KCNIP1: variants seen among roughly 807,000 people sequenced by gnomAD.
The protein encoded by KCNIP1 is potassium voltage-gated channel interacting protein 1.
KCNIP1 carries 18 observed loss-of-function variants against 33.0 expected under a neutral mutation model. The ratio of observed to expected loss-of-function variants is 0.55; its 90% confidence interval spans 0.38 to 0.81. KCNIP1 has a LOEUF of 0.81. Ranked by LOEUF, KCNIP1 falls within the 30% of genes least tolerant of loss-of-function variation. KCNIP1 has a pLI of 0.00. For missense variants in KCNIP1, 238 were observed against 271.6 expected (o/e 0.88, Z 0.87); for synonymous variants, 93 against 98.3 (o/e 0.95, Z 0.32).
chr5:170,561,375 G>A (rs1291363160), intron 1 of KCNIP1, among the ~76,000 whole-genome samples: 1 of 152,180 alleles, frequency 6.6e-6, no homozygotes, highest in Admixed American at 6.5e-5. Context: ...AGAGGCTAAA[G>A]TGGCTTTAAG....
intron 1 of KCNIP1, among the ~76,000 whole-genome samples, chr5:170,361,474 C>G (rs535893624): frequency 6.6e-6 from 1 of 152,118 alleles, no homozygotes; most frequent in Non-Finnish European, 1.5e-5. Flanking sequence ...TCCCCTCTGG[C>G]TGAAGCCACT....
At chr5:170,453,752 T>C (rs1361298208) in intron 1 of KCNIP1, among the ~76,000 whole-genome samples, 1 of 152,174 alleles carries the variant, frequency 6.6e-6, no homozygotes, top group East Asian at 1.9e-4. Flanking sequence ...CTTGACAAAG[T>C]ATGTAACCAT....
At chr5:170,723,490 C>T (rs1455216296) in intron 5 of KCNIP1, among the ~76,000 whole-genome samples, 1 of 152,170 alleles carries the variant, frequency 6.6e-6, no homozygotes, top group African/African-American at 2.4e-5. Context: ...ACTCCACTTG[C>T]TGAGCTCCTG....
intron 1 of KCNIP1, among the ~76,000 whole-genome samples, chr5:170,457,814 G>A (rs2113096305): frequency 6.6e-6 from 1 of 152,156 alleles, no homozygotes; most frequent in South Asian, 2.1e-4. Context: ...AATCACACTA[G>A]GTCACCAGCA....
chr5:170,640,410 G>T (rs567565801), intron 1 of KCNIP1, among the ~76,000 whole-genome samples: 1 of 152,320 alleles, frequency 6.6e-6, no homozygotes, highest in South Asian at 2.1e-4. Flanking sequence ...TCACAAGTTT[G>T]CACCTGGAGC....
rs1197231227 is a variant in KCNIP1, at chr5:170,367,416, A to G, written c.88+13452A>G. Among the ~76,000 whole-genome samples, 53 of 119,984 alleles carry G rather than the reference A, an allele frequency of 4.4e-4. 1 individual carries two copies. The highest frequency in any genetic ancestry group is 1.6e-3 in the African/African-American group (47 of 28,898). The allele number at this position is 119,984 out of a possible 152,430, so 78.7% of individuals were successfully genotyped here. ...AAGAAAGAAAGAAAGAAAGAAAGAA[A>G]GAAAGGAAAGAAAGAAAGAAAGGAA... On this transcript the variant is annotated intron_variant, in intron 1 of 7. Transcript: ENST00000377360.
intron 1 of KCNIP1, among the ~76,000 whole-genome samples, chr5:170,471,928 G>A (rs929271083): frequency 2.0e-5 from 3 of 152,062 alleles, no homozygotes; most frequent in Non-Finnish European, 4.4e-5. Context: ...TCACATCTCC[G>A]TCAGAGGCCT....
chr5:170,622,175 G>A lies in KCNIP1; in HGVS notation c.62-96583G>A, dbSNP rs116707368. Among the ~76,000 whole-genome samples the A allele has an allele frequency of 9.7e-3, 1,474 of 152,290 alleles. 11 individuals carry two copies. The highest frequency in any genetic ancestry group is 0.054 in the Middle Eastern group (16 of 294). ...TTCCGTCTGTGGTGGGTGGAGCCGC[G>A]TCCTTCCCAAATTCATATTCACTCA... On this transcript the variant is annotated intron_variant, in intron 1 of 7. Transcript: ENST00000328939.
At chr5:170,707,787 G>T (rs890160028) in intron 1 of KCNIP1, among the ~76,000 whole-genome samples, 1 of 145,386 alleles carries the variant, frequency 6.9e-6, no homozygotes, top group African/African-American at 2.5e-5. Flanking sequence ...ACACTCAAAG[G>T]TTTTTTTTTT....
At chr5:170,359,182 G>A (rs1242630421) in intron 1 of KCNIP1, among the ~76,000 whole-genome samples, 1 of 152,164 alleles carries the variant, frequency 6.6e-6, no homozygotes, top group East Asian at 1.9e-4. Context: ...GCACCTGCCA[G>A]ACACTGAGTA....
intron 7 of KCNIP1, 67 bp downstream of exon 7, chr5:170,733,965 G>A: frequency 3.0e-6 from 4 of 1,344,148 alleles, no homozygotes; most frequent in Non-Finnish European, 4.2e-6. Context: ...CTGGGGACCT[G>A]CAGAAGGAAG....
chr5:170,575,076 GA>G lies in KCNIP1; in HGVS notation c.61+70453del, dbSNP rs537837408. ...AGTAGAGGCAGGGTGAAATAGAATG[GA>G]AAAAAAAAATGTGAACCCACACTGC... On this transcript the variant is annotated intron_variant, in intron 1 of 7. Coordinates refer to ENST00000328939, the MANE Select transcript of KCNIP1 (RefSeq NM_014592.4). Among the ~76,000 whole-genome samples the G allele has an allele frequency of 1.3e-3, 188 of 148,518 alleles. 1 individual carries two copies. The highest frequency in any genetic ancestry group is 4.6e-3 in the African/African-American group (185 of 40,566).
intron 1 of KCNIP1, chr5:170,639,333 AATAAG>A (rs1468523278): frequency 2.0e-5 from 3 of 152,282 alleles, no homozygotes; most frequent in South Asian, 4.2e-4. Flanking sequence ...CACTTTATAA[AATAAG>A]ATATCAAACT....
At chr5:170,477,144 TAA>T (rs1756873926) in intron 1 of KCNIP1, among the ~76,000 whole-genome samples, 1 of 152,124 alleles carries the variant, frequency 6.6e-6, no homozygotes, top group African/African-American at 2.4e-5. Context: ...AGTAAATACA[TAA>T]GTCAGTAAAT....
chr5:170,479,281 GA>G (rs1756923412), intron 1 of KCNIP1, among the ~76,000 whole-genome samples: 1 of 152,220 alleles, frequency 6.6e-6, no homozygotes, highest in African/African-American at 2.4e-5. Flanking sequence ...AAGCACCAGA[GA>G]AAACTGGGGG....
In KCNIP1 at chr5:170,479,320, C is replaced by T. The variant is rs114130897; in HGVS notation, c.88+125356C>T. On this transcript the variant is annotated intron_variant, in intron 1 of 7. Transcript: ENST00000377360. ...AGGTTAGGACTCCTGTCCCAAAGAT[C>T]CCCCTCAATTATCCTGCCATGTTAT... Among the ~76,000 whole-genome samples the T allele has an allele frequency of 8.6e-4, 131 of 152,304 alleles. 1 individual carries two copies. Among genetic ancestry groups the T allele is most frequent in the African/African-American group, 3.0e-3 (123 of 41,564 alleles).
intron 1 of KCNIP1, among the ~76,000 whole-genome samples, chr5:170,358,243 C>T (rs148997858): frequency 1.3e-5 from 2 of 152,194 alleles, no homozygotes; most frequent in East Asian, 3.9e-4. Flanking sequence ...CTTCTAGTGT[C>T]CTCCAGGCCA....
chr5:170,665,439 C>T (rs1761667853), intron 1 of KCNIP1, among the ~76,000 whole-genome samples: 1 of 152,122 alleles, frequency 6.6e-6, no homozygotes, highest in Admixed American at 6.5e-5. Context: ...GTCTCTCCTG[C>T]CATGCTCTGT....
chr5:170,645,897 TA>T (rs146693752), intron 1 of KCNIP1, among the ~76,000 whole-genome samples: 2 of 150,734 alleles, frequency 1.3e-5, no homozygotes, highest in African/African-American at 4.9e-5. Context: ...CTTGAGAAAT[TA>T]AAAAAAAATA....
Sources: gnomAD v4.1 joint callset for allele counts (sites outside exome capture counted in the v4.1 genomes callset) on GRCh38, gnomAD v4.1.1 for gene constraint, MANE v1.5 for transcripts, NCBI Gene and HGNC (gene_info 2026-07-23, HGNC 2026-07-21) for gene names.